ST8SIA5: variants seen among roughly 807,000 people sequenced by gnomAD.
ST8SIA5 encodes alpha-2,8-sialyltransferase 8E.
ST8SIA5 carries 24 observed loss-of-function variants against 40.2 expected under a neutral mutation model. The observed-to-expected ratio is 0.60, with a 90% CI of 0.43 to 0.84. The LOEUF is 0.84. Ranked by LOEUF, ST8SIA5 falls within the 40% of genes least tolerant of loss-of-function variation. ST8SIA5 has a pLI of 0.00. For synonymous variants in ST8SIA5, 198 were observed against 201.8 expected (o/e 0.98, Z 0.16); for missense variants, 465 against 498.5 (o/e 0.93, Z 0.64).
chr18:46,750,672 A>ACGCCCT (rs2040187325), intron 1 of ST8SIA5, among the ~76,000 whole-genome samples: 1 of 151,916 alleles, frequency 6.6e-6, no homozygotes, highest in South Asian at 2.1e-4. Context: ...TCTCACTCTG[A>ACGCCCT]CGCCCTCGTC....
chr18:46,749,941 AACAAGAAGTCT>A (rs2040180893), intron 1 of ST8SIA5, among the ~76,000 whole-genome samples: 1 of 152,130 alleles, frequency 6.6e-6, no homozygotes, highest in Non-Finnish European at 1.5e-5. Flanking sequence ...CACATGAGGA[AACAAGAAGTCT>A]ACAACCTGCA....
intron 1 of ST8SIA5, among the ~76,000 whole-genome samples, chr18:46,715,500 T>A (rs2039778866): frequency 6.6e-6 from 1 of 151,376 alleles, no homozygotes; most frequent in African/African-American, 2.4e-5. Flanking sequence ...CTAAAGATCA[T>A]CTTGTCTGAG....
chr18:46,721,310 C>T (rs1599132925), intron 1 of ST8SIA5: 2 of 1,501,032 alleles, frequency 1.3e-6, no homozygotes, highest in Non-Finnish European at 1.8e-6. Context: ...GGCTGCAGGG[C>T]CACCCCGGGT....
Position 46,680,235 on chromosome 18 carries a change from C to T in ST8SIA5, c.938G>A (p.Cys313Tyr). The change falls in exon 7 of 7, where the codon TGT becomes TAT. Residue 313 changes from cysteine to tyrosine, a missense_variant. Cys to Tyr is a radical substitution (Grantham distance 194). Transcript: ENST00000315087. ...LILVTAALEL[C>Y]EEVHLFGFWA... ...GAAGCCAAAGAGGTGCACCTCCTCA[C>T]AGAGCTCCAGCGCCGCAGTGACCAG... The T allele has an allele frequency of 6.2e-7, 1 of 1,614,220 alleles. No individual in the cohort carries two copies. The highest frequency in any genetic ancestry group is 8.5e-7 in the Non-Finnish European group (1 of 1,180,044).
chr18:46,742,758 C>A (rs1485395266), intron 1 of ST8SIA5, among the ~76,000 whole-genome samples: 1 of 152,168 alleles, frequency 6.6e-6, no homozygotes, highest in African/African-American at 2.4e-5. Context: ...AGACTGCCTC[C>A]TCAAGGGGGT....
intron 2 of ST8SIA5, among the ~76,000 whole-genome samples, chr18:46,701,910 G>A (rs1198026420): frequency 1.3e-5 from 2 of 152,206 alleles, no homozygotes; most frequent in African/African-American, 2.4e-5. Context: ...CACTTTGGGA[G>A]GCCAAGGCGG....
rs368854515 is a variant in ST8SIA5 at position 46,755,706 on chromosome 18, G to A, written c.131+672C>T. On this transcript the variant is annotated intron_variant, in intron 1 of 6. Coordinates refer to ENST00000315087, the MANE Select transcript of ST8SIA5 (RefSeq NM_013305.6). ...TGGATTGGGGTGGAGTAGGGGGAGA[G>A]CCCAACGAGGGGTTAACTTATGCTG... 3.7e-4 allele frequency among the ~76,000 whole-genome samples: 56 copies of A among 152,252 alleles called. 1 individual carries two copies. In the East Asian group the frequency reaches 7.2e-3, roughly 19 times the overall value.
chr18:46,720,944 C>G (rs2039855827), intron 1 of ST8SIA5, among the ~76,000 whole-genome samples: 1 of 152,150 alleles, frequency 6.6e-6, no homozygotes, highest in Non-Finnish European at 1.5e-5. Context: ...CAGGGAGTAC[C>G]TGGGCAAGGG....
Position 46,694,849 on chromosome 18 carries a change from C to A in ST8SIA5, c.225-2594G>T, listed in dbSNP as rs1424999209. 4.7e-5 allele frequency among the ~76,000 whole-genome samples: 7 copies of A among 149,520 alleles called. No homozygotes were observed. In the East Asian group the frequency reaches 1.4e-3, roughly 29 times the overall value. On this transcript the variant is annotated intron_variant, in intron 2 of 6. Coordinates refer to ENST00000315087, the MANE Select transcript of ST8SIA5 (RefSeq NM_013305.6). ...GGGTCCATTATTTAAAAAAAAAAAGCAAATACCCACTTTAAAAACCCTTTT... is the reference window on the plus strand; with the variant it reads ...GGGTCCATTATTTAAAAAAAAAAAGAAAATACCCACTTTAAAAACCCTTTT...
intron 1 of ST8SIA5, among the ~76,000 whole-genome samples, chr18:46,718,001 A>G (rs2144522432): frequency 6.6e-6 from 1 of 152,348 alleles, no homozygotes; most frequent in East Asian, 1.9e-4. Flanking sequence ...CTACTTGTGC[A>G]AAACACCCAC....
intron 1 of ST8SIA5, among the ~76,000 whole-genome samples, chr18:46,718,575 T>C (rs151319248): frequency 1.2e-3 from 188 of 152,198 alleles, no homozygotes; most frequent in African/African-American, 4.2e-3. Flanking sequence ...GTAGTGCTGT[T>C]TGGAGTTTTC....
chr18:46,715,888 A>G (rs1221602113), intron 1 of ST8SIA5, among the ~76,000 whole-genome samples: 1 of 152,120 alleles, frequency 6.6e-6, no homozygotes, highest in Non-Finnish European at 1.5e-5. Context: ...GTGCCTGACC[A>G]GAAGTGATCT....
At chr18:46,687,785 A>G (rs2039462323) in intron 4 of ST8SIA5, among the ~76,000 whole-genome samples, 2 of 152,226 alleles carry the variant, frequency 1.3e-5, no homozygotes, top group African/African-American at 4.8e-5. Flanking sequence ...TCTTCCAAAA[A>G]GACCTCTACA....
Position 46,681,637 on chromosome 18 carries a change from G to A in ST8SIA5, c.662+335C>T, listed in dbSNP as rs2039397351. On this transcript the variant is annotated intron_variant, in intron 6 of 6. Coordinates refer to ENST00000315087, the MANE Select transcript of ST8SIA5 (RefSeq NM_013305.6). ...ACCCACCCATCTCTAGGTGAAGGTA[G>A]TGTAGACCAGCACCGTCCAAAAGAA... 2.6e-5 allele frequency among the ~76,000 whole-genome samples: 4 copies of A among 152,338 alleles called. No homozygotes were observed. In the South Asian group the frequency reaches 8.3e-4, roughly 32 times the overall value.
rs543735380 is a variant in ST8SIA5 at position 46,692,861 on chromosome 18, C to A, written c.225-606G>T. Among the ~76,000 whole-genome samples, 583 of 147,264 alleles carry A rather than the reference C, an allele frequency of 4.0e-3. 5 individuals carry two copies. The highest frequency in any genetic ancestry group is 0.014 in the African/African-American group (549 of 39,632). ...CCTCCTCACTGACAGGCCACCATCC[C>A]CTCCCCACCCCCCACCCTAATCATC... On this transcript the variant is annotated intron_variant, in intron 2 of 6. Transcript: ENST00000315087.
chr18:46,730,247 G>A (rs989636956), intron 1 of ST8SIA5: 2 of 985,176 alleles, frequency 2.0e-6, no homozygotes, highest in Non-Finnish European at 2.4e-6. Context: ...GGATAGGGGG[G>A]CTCGCATTCC....
intron 1 of ST8SIA5, among the ~76,000 whole-genome samples, chr18:46,710,413 T>TTCTTTCTTTTCTTTCTG (rs1244310202): frequency 1.6e-5 from 2 of 127,506 alleles, no homozygotes; most frequent in African/African-American, 6.2e-5. Flanking sequence ...CTTTCTTTCT[T>TTCTTTCTTTTCTTTCTG]TCTTTTTCTT....
At chr18:46,714,548 C>G (rs909632658) in intron 1 of ST8SIA5, among the ~76,000 whole-genome samples, 40 of 152,228 alleles carry the variant, frequency 2.6e-4, no homozygotes, top group Admixed American at 2.5e-3. Context: ...AGGCACTGCA[C>G]CCAGCTGATC....
rs373868578 is a variant in ST8SIA5, at chr18:46,680,517, A to G, written c.663-7T>C. The G allele has an allele frequency of 4.6e-5, 72 of 1,570,720 alleles. No individual in the cohort carries two copies. The African/African-American group carries it at 8.9e-4, about 19-fold the overall frequency. On this transcript the variant is annotated splice_region_variant and splice_polypyrimidine_tract_variant and intron_variant, in intron 6 of 6. Coordinates refer to ENST00000315087, the MANE Select transcript of ST8SIA5 (RefSeq NM_013305.6). ...CTTCTCCAGCTTGTGGAACCTACAC[A>G]GGGCGCGAGTGAGAGGTGAGCACCC...
Sources: gnomAD v4.1 joint callset for allele counts (sites outside exome capture counted in the v4.1 genomes callset) on GRCh38, gnomAD v4.1.1 for gene constraint, MANE v1.5 for transcripts, NCBI Gene and HGNC (gene_info 2026-07-23, HGNC 2026-07-21) for gene names.